The following PCLO variants were observed in gnomAD, a reference collection of about 807,000 sequenced individuals.
PCLO encodes the protein protein piccolo.
In PCLO, 82 loss-of-function variants were observed where a neutral mutation model predicts 427.5. The ratio of observed to expected loss-of-function variants is 0.19; its 90% CI spans 0.16 to 0.23. The LOEUF is 0.23. Among genes scored for constraint, PCLO ranks in the 10% least tolerant of loss-of-function variants. The probability of loss-of-function intolerance (pLI) is 1.00; values close to 1 mark genes in which losing one functional copy is unlikely to be tolerated. For missense variants in PCLO, 6,239 were observed against 6,115.9 expected (o/e 1.02, Z -0.67); for synonymous variants, 2,357 against 2,155.4 (o/e 1.09, Z -2.59).
chr7:83,139,656 T>C (rs1217137039), intron 2 of PCLO, among the ~76,000 whole-genome samples: 2 of 152,184 alleles, frequency 1.3e-5, no homozygotes, highest in Non-Finnish European at 2.9e-5. Context: ...TCTCCTAATA[T>C]ACCCTTTGCT....
chr7:83,082,192 T>C (rs907921876), intron 3 of PCLO, among the ~76,000 whole-genome samples: 1 of 151,446 alleles, frequency 6.6e-6, no homozygotes, highest in African/African-American at 2.4e-5. Flanking sequence ...GAATGATTTG[T>C]TAAAATATGC....
chr7:82,826,554 AGCAGCAAATAAG>A (rs756075188), intron 18 of PCLO, 23 bp downstream of exon 18: 1 of 1,365,632 alleles, frequency 7.3e-7, no homozygotes, highest in Non-Finnish European at 1.0e-6. Context: ...GGTTTACCAT[AGCAGCAAATAAG>A]GGAAAGGAAG....
At chr7:82,768,692 T>G (rs1790584659) in intron 22 of PCLO, among the ~76,000 whole-genome samples, 1 of 152,136 alleles carries the variant, frequency 6.6e-6, no homozygotes, top group Non-Finnish European at 1.5e-5. Context: ...CAAATTGGCT[T>G]ATTTTTATCT....
intron 3 of PCLO, among the ~76,000 whole-genome samples, chr7:83,090,871 C>T (rs1334796568): frequency 6.6e-6 from 1 of 152,026 alleles, no homozygotes; most frequent in Non-Finnish European, 1.5e-5. Context: ...CTATCATTGC[C>T]TCCCTTTCCT....
chr7:83,029,186 A>T (rs1303820466), intron 3 of PCLO, among the ~76,000 whole-genome samples: 4 of 150,152 alleles, frequency 2.7e-5, no homozygotes, highest in Non-Finnish European at 4.5e-5. Context: ...ACAAAATGGG[A>T]GAAAATTTTC....
intron 22 of PCLO, among the ~76,000 whole-genome samples, chr7:82,798,648 C>T (rs1479115053): frequency 1.3e-5 from 2 of 152,214 alleles, no homozygotes; most frequent in East Asian, 3.9e-4. Context: ...AAAATTGCCT[C>T]TGAAAGTCTA....
At chr7:82,909,622 T>C (rs775246161) in intron 7 of PCLO, among the ~76,000 whole-genome samples, 3 of 152,158 alleles carry the variant, frequency 2.0e-5, no homozygotes, top group Non-Finnish European at 4.4e-5. Context: ...CAATAAGTTG[T>C]TGCTGGCTTT....
chr7:82,833,713 C>T (rs1044505191), intron 16 of PCLO, among the ~76,000 whole-genome samples: 8 of 133,204 alleles, frequency 6.0e-5, no homozygotes, highest in Non-Finnish European at 8.5e-5. Flanking sequence ...CAGAGATAAC[C>T]AACCACTGGT....
Position 82,765,935 on chromosome 7 carries a change from C to A in PCLO, c.15008-4442G>T, listed in dbSNP as rs189386052. ...AAATGTAGGAAAGTGGTAACCAGTA[C>A]CAACGAAGCAAGGAATAGGTTATAG... On this transcript the variant is annotated intron_variant, in intron 22 of 24. Coordinates refer to ENST00000333891, the MANE Select transcript of PCLO (RefSeq NM_033026.6). Among the ~76,000 whole-genome samples the A allele has an allele frequency of 6.1e-4, 93 of 152,016 alleles. No individual in the cohort carries two copies. In the East Asian group the frequency reaches 0.015, roughly 25 times the overall value.
Position 83,051,594 on chromosome 7 carries a change from A to G in PCLO, c.3300+82656T>C, listed in dbSNP as rs192678827. On this transcript the variant is annotated intron_variant, in intron 3 of 24. Transcript: ENST00000333891. ...ATATAGAGATATTTCAAATTCATGGACAGAAAGACATTATTGTTAAGTTGT... is the reference window on the plus strand; with the variant it reads ...ATATAGAGATATTTCAAATTCATGGGCAGAAAGACATTATTGTTAAGTTGT... Among the ~76,000 whole-genome samples, 690 of 152,160 alleles carry G rather than the reference A, an allele frequency of 4.5e-3. 5 individuals carry two copies. The highest frequency in any genetic ancestry group is 0.013 in the Admixed American group (205 of 15,264).
At chr7:82,921,781 A>T (rs1366193180) in intron 6 of PCLO, among the ~76,000 whole-genome samples, 1 of 152,022 alleles carries the variant, frequency 6.6e-6, no homozygotes, top group African/African-American at 2.4e-5. Context: ...CAGCAAAAAA[A>T]CTATCAACAG....
intron 3 of PCLO, among the ~76,000 whole-genome samples, chr7:82,977,310 G>A (rs572799705): frequency 6.6e-6 from 1 of 151,126 alleles, no homozygotes; most frequent in South Asian, 2.1e-4. Flanking sequence ...AACAATATAT[G>A]AATAGTTCTG....
Position 82,954,573 on chromosome 7 carries a change from A to T in PCLO, c.6380T>A (p.Ile2127Asn). The T allele has an allele frequency of 6.2e-7, 1 of 1,613,904 alleles. No individual in the cohort carries two copies. The highest frequency in any genetic ancestry group is 8.5e-7 in the Non-Finnish European group (1 of 1,179,852). ...ATGTTGGGTTATTTTAACATCTGGG[A>T]TAGAGAGTGTTGCACTGCTGGTCGA... is the stretch of plus-strand genomic sequence containing the variant. ...TDSTSSATLSIPDVKITQHFS... is the reference protein window; with the variant it reads ...TDSTSSATLSNPDVKITQHFS... Residue 2127 changes from isoleucine to asparagine, a missense_variant, in exon 5 of 25, where the codon ATC (isoleucine) becomes AAC (asparagine). Around this residue, in one of 5 missense-constraint regions of PCLO, gnomAD observed 4,677 missense variants for 4,468.4 expected, o/e 1.05. Transcript: ENST00000333891.
chr7:82,986,777 C>T (rs903858050), intron 3 of PCLO, among the ~76,000 whole-genome samples: 4 of 151,758 alleles, frequency 2.6e-5, no homozygotes, highest in African/African-American at 9.7e-5. Flanking sequence ...TAATTCTTTA[C>T]AAACACAGAA....
intron 3 of PCLO, among the ~76,000 whole-genome samples, chr7:83,038,786 C>A (rs558537591): frequency 6.6e-6 from 1 of 152,086 alleles, no homozygotes; most frequent in Non-Finnish European, 1.5e-5. Flanking sequence ...TACGTTTAGT[C>A]ATTTGAAGAA....
At chr7:83,007,356 G>A (rs2115964855) in intron 3 of PCLO, among the ~76,000 whole-genome samples, 1 of 151,512 alleles carries the variant, frequency 6.6e-6, no homozygotes. Context: ...GGAAACAGGT[G>A]AATACATTGT....
chr7:82,937,027 A>G (rs1794972048), intron 6 of PCLO, among the ~76,000 whole-genome samples: 1 of 151,666 alleles, frequency 6.6e-6, no homozygotes, highest in Non-Finnish European at 1.5e-5. Context: ...GAATGGGTAT[A>G]GGATTTTATT....
At chr7:82,794,939 A>C (rs1473630110) in intron 22 of PCLO, among the ~76,000 whole-genome samples, 1 of 151,972 alleles carries the variant, frequency 6.6e-6, no homozygotes, top group Non-Finnish European at 1.5e-5. Flanking sequence ...TTATTTTACT[A>C]TATGTGTTAT....
intron 10 of PCLO, among the ~76,000 whole-genome samples, chr7:82,862,566 C>CCCAA (rs1792986084): frequency 1.1e-5 from 1 of 92,232 alleles, no homozygotes; most frequent in Non-Finnish European, 2.1e-5. Flanking sequence ...GACTCTGCCT[C>CCCAA]AAAAAAAAAA....
Sources: gnomAD v4.1 joint callset for allele counts (sites outside exome capture counted in the v4.1 genomes callset) on GRCh38, gnomAD v4.1.1 for gene constraint, gnomAD v4.1.1 regional missense constraint, MANE v1.5 for transcripts, NCBI Gene and HGNC (gene_info 2026-07-23, HGNC 2026-07-21) for gene names.